The following CSTPP1 variants were observed in gnomAD, a reference collection of about 807,000 sequenced individuals.
The protein encoded by CSTPP1 is UPF0705 protein C11orf49.
At chr11:47,100,557 C>T in the CSTPP1 span, among the ~76,000 whole-genome samples, 3 of 152,056 alleles carry the variant, frequency 2.0e-5, no homozygotes, top group African/African-American at 7.2e-5. Flanking sequence ...TTTGGGAGGC[C>T]GAGGCAGTGG....
the CSTPP1 span, chr11:47,154,288 C>T: frequency 6.6e-6 from 1 of 152,322 alleles, no homozygotes; most frequent in East Asian, 1.9e-4. Flanking sequence ...AGGACCTGAT[C>T]AGAAACAGAT....
the CSTPP1 span, among the ~76,000 whole-genome samples, chr11:46,950,487 T>C: frequency 6.6e-6 from 1 of 151,794 alleles, no homozygotes; most frequent in Non-Finnish European, 1.5e-5. Context: ...GACTTTCTTT[T>C]AAATTCTAAT....
At chr11:47,125,888 G>A in the CSTPP1 span, among the ~76,000 whole-genome samples, 12 of 151,864 alleles carry the variant, frequency 7.9e-5, no homozygotes, top group Non-Finnish European at 1.3e-4. Flanking sequence ...ACGGTGGCAC[G>A]TGCCTGTAAT....
the CSTPP1 span, chr11:47,155,277 C>T: frequency 1.3e-6 from 2 of 1,598,370 alleles, no homozygotes; most frequent in Non-Finnish European, 1.7e-6. Flanking sequence ...TGTTCCGGGG[C>T]TCCATCTGGC....
chr11:46,997,911 T>C, the CSTPP1 span, among the ~76,000 whole-genome samples: 1 of 152,160 alleles, frequency 6.6e-6, no homozygotes, highest in Non-Finnish European at 1.5e-5. Flanking sequence ...TGCCTGATCG[T>C]TCCTCTGGAA....
At chr11:47,142,749 G>GC in the CSTPP1 span, among the ~76,000 whole-genome samples, 1 of 152,160 alleles carries the variant, frequency 6.6e-6, no homozygotes, top group Admixed American at 6.5e-5. Context: ...ATACATGAAA[G>GC]CACCACAAGA....
At chr11:47,158,815 G>A in the CSTPP1 span, among the ~76,000 whole-genome samples, 1 of 152,288 alleles carries the variant, frequency 6.6e-6, no homozygotes, top group South Asian at 2.1e-4. Flanking sequence ...GATTACAGTT[G>A]TGAGCCACTA....
the CSTPP1 span, among the ~76,000 whole-genome samples, chr11:47,002,802 A>AT: frequency 2.0e-5 from 3 of 152,150 alleles, no homozygotes; most frequent in Non-Finnish European, 2.9e-5. Context: ...TTTAGGTCTG[A>AT]TTTTTTACAT....
chr11:47,100,660 A>G, the CSTPP1 span, among the ~76,000 whole-genome samples: 1 of 152,126 alleles, frequency 6.6e-6, no homozygotes, highest in African/African-American at 2.4e-5. Flanking sequence ...GCATGGTGGC[A>G]TATGCCTGTA....
chr11:47,092,742 G>A, the CSTPP1 span, among the ~76,000 whole-genome samples: 1 of 152,152 alleles, frequency 6.6e-6, no homozygotes, highest in Admixed American at 6.5e-5. Flanking sequence ...ATTATTAATA[G>A]CTGTTTGTTT....
At chr11:47,148,192 G>A in the CSTPP1 span, among the ~76,000 whole-genome samples, 2 of 152,116 alleles carry the variant, frequency 1.3e-5, no homozygotes, top group South Asian at 2.1e-4. Flanking sequence ...ACCAGACATC[G>A]TGTCATCGCT....
the CSTPP1 span, among the ~76,000 whole-genome samples, chr11:47,027,145 C>T: frequency 2.0e-5 from 3 of 151,452 alleles, no homozygotes; most frequent in Admixed American, 6.7e-5. Context: ...AGTAACCAGC[C>T]TTATAAAAAA....
At chr11:47,124,579 C>A in the CSTPP1 span, among the ~76,000 whole-genome samples, 2 of 152,112 alleles carry the variant, frequency 1.3e-5, no homozygotes, top group African/African-American at 4.8e-5. Flanking sequence ...ATCCTATATA[C>A]TTTAAAATGT....
the CSTPP1 span, among the ~76,000 whole-genome samples, chr11:47,108,728 A>C: frequency 8.9e-6 from 1 of 112,094 alleles, no homozygotes; most frequent in Admixed American, 1.1e-4. Context: ...TTTTTTTGAG[A>C]TGGAGTCTCA....
chr11:46,989,770 T>C, the CSTPP1 span, among the ~76,000 whole-genome samples: 18 of 151,284 alleles, frequency 1.2e-4, no homozygotes, highest in Admixed American at 2.0e-4. Context: ...TAGTACCCAA[T>C]AGGTAGTTTT....
chr11:47,013,754 G>A, the CSTPP1 span, among the ~76,000 whole-genome samples: 11 of 152,248 alleles, frequency 7.2e-5, no homozygotes, highest in Middle Eastern at 3.4e-3. Context: ...GTGTATACCC[G>A]GTAATGGGAT....
the CSTPP1 span, among the ~76,000 whole-genome samples, chr11:47,059,980 T>C: frequency 6.6e-6 from 1 of 151,808 alleles, no homozygotes; most frequent in Admixed American, 6.6e-5. Context: ...GGTGCATGCC[T>C]GTAGTCCCAG....
chr11:47,141,929 T>C, the CSTPP1 span, among the ~76,000 whole-genome samples: 1 of 57,828 alleles, frequency 1.7e-5, no homozygotes, highest in Non-Finnish European at 2.9e-5. Context: ...CTAGACTCTG[T>C]CTCAAAAAAA....
chr11:47,121,457 G>A, the CSTPP1 span, among the ~76,000 whole-genome samples: 1 of 152,078 alleles, frequency 6.6e-6, no homozygotes, highest in Admixed American at 6.6e-5. Context: ...ACTGTGTAAG[G>A]TACAGATACC....
Sources: gnomAD v4.1 joint callset for allele counts (sites outside exome capture counted in the v4.1 genomes callset) on GRCh38, gnomAD v4.1.1 for gene constraint, MANE v1.5 for transcripts, NCBI Gene and HGNC (gene_info 2026-07-23, HGNC 2026-07-21) for gene names.